ZSWIM6: variants seen among roughly 807,000 people sequenced by gnomAD.
The protein encoded by ZSWIM6 is zinc finger SWIM-type containing 6, also known as zinc finger SWIM domain-containing protein 6.
A neutral mutation model predicts 113.2 loss-of-function variants in ZSWIM6; 9 were observed. The ratio of observed to expected loss-of-function variants is 0.08; its 90% CI spans 0.05 to 0.14. The LOEUF (loss-of-function observed/expected upper bound fraction) is 0.14, where lower values mean the gene tolerates loss of function less well. Ranked by LOEUF, ZSWIM6 falls within the 10% of genes least tolerant of loss-of-function variation. ZSWIM6 has a pLI of 1.00. For missense variants in ZSWIM6, 1,162 were observed against 1,552.2 expected, an observed-to-expected ratio of 0.75 and a Z score of 4.22; for synonymous variants, 611 against 606.5, an observed-to-expected ratio of 1.01 and a Z score of -0.11.
At chr5:61,351,584 A>G (rs999890777) in intron 1 of ZSWIM6, among the ~76,000 whole-genome samples, 2 of 152,222 alleles carry the variant, frequency 1.3e-5, no homozygotes, top group Non-Finnish European at 2.9e-5. Context: ...TTAAGGGCTT[A>G]TTATGAACTC....
In ZSWIM6 at chr5:61,494,245, G is replaced by GT; in HGVS notation, c.1183-10dup. On this transcript the variant is annotated splice_polypyrimidine_tract_variant and intron_variant, in intron 3 of 13. Coordinates refer to ENST00000252744, the MANE Select transcript of ZSWIM6 (RefSeq NM_020928.2). ...GTTTTGAACAATTTTCTAAAGGTCT[G>GT]TTTTTCCCCATTAGGTGCGGGAGAT... 6.5e-7 allele frequency: 1 copy of GT among 1,548,808 alleles called. No homozygotes were observed. The highest frequency in any genetic ancestry group is 1.2e-5 in the South Asian group (1 of 83,936).
At chr5:61,366,914 C>T (rs377664533) in intron 1 of ZSWIM6, among the ~76,000 whole-genome samples, 50 of 139,162 alleles carry the variant, frequency 3.6e-4, no homozygotes, top group Admixed American at 5.5e-4. Flanking sequence ...GGTGACAGAG[C>T]GATCTGCTGT....
At chr5:61,412,382 T>C (rs1746165157) in intron 1 of ZSWIM6, among the ~76,000 whole-genome samples, 1 of 152,156 alleles carries the variant, frequency 6.6e-6, no homozygotes, top group South Asian at 2.1e-4. Context: ...TCAGGTGTAG[T>C]GTGATTTTAG....
chr5:61,497,106 G>GAAAAAAAAAAA (rs34912981), intron 4 of ZSWIM6, among the ~76,000 whole-genome samples: 1 of 119,802 alleles, frequency 8.3e-6, no homozygotes, highest in Non-Finnish European at 1.8e-5. Context: ...AGTACACCAG[G>GAAAAAAAAAAA]AAAAAAAAAA....
At chr5:61,542,621 A>T (rs1188409254) in intron 13 of ZSWIM6, among the ~76,000 whole-genome samples, 2 of 152,220 alleles carry the variant, frequency 1.3e-5, no homozygotes, top group African/African-American at 4.8e-5. Flanking sequence ...TTTAGATATG[A>T]CACAGCATAT....
chr5:61,502,964 T>C lies in ZSWIM6; in HGVS notation c.1333+8554T>C, dbSNP rs146042804. 5.3e-5 allele frequency among the ~76,000 whole-genome samples: 8 copies of C among 152,154 alleles called. No homozygotes were observed. The East Asian group carries it at 1.4e-3, about 26-fold the overall frequency. ...TTTCTTCCACAAAGCCAGTCCCTGG[T>C]GCCAAAAAGGTTGGGGACTGCTGTA... On this transcript the variant is annotated intron_variant, in intron 4 of 13. Coordinates refer to ENST00000252744, the MANE Select transcript of ZSWIM6 (RefSeq NM_020928.2).
chr5:61,456,257 ATTTGT>A (rs1420158580), intron 1 of ZSWIM6, among the ~76,000 whole-genome samples: 1 of 152,144 alleles, frequency 6.6e-6, no homozygotes. Context: ...CTGAAACCAA[ATTTGT>A]TTTAGGAGAA....
intron 1 of ZSWIM6, among the ~76,000 whole-genome samples, chr5:61,338,981 A>T (rs1333131552): frequency 6.6e-6 from 1 of 152,100 alleles, no homozygotes; most frequent in East Asian, 1.9e-4. Flanking sequence ...TAAGATTTTT[A>T]TCCTGGGCCT....
At chr5:61,391,382 C>T in intron 1 of ZSWIM6, 1 of 847,804 alleles carries the variant, frequency 1.2e-6, no homozygotes, top group Non-Finnish European at 2.1e-6. Flanking sequence ...TGGGTGTAGG[C>T]AATGATGCAG....
chr5:61,404,924 T>C (rs1165344961), intron 1 of ZSWIM6, among the ~76,000 whole-genome samples: 2 of 152,162 alleles, frequency 1.3e-5, no homozygotes, highest in Non-Finnish European at 2.9e-5. Flanking sequence ...CCCAGTTAGA[T>C]TTGAGAACTG....
intron 1 of ZSWIM6, among the ~76,000 whole-genome samples, chr5:61,364,905 A>G (rs930101579): frequency 6.6e-6 from 1 of 152,204 alleles, no homozygotes; most frequent in Admixed American, 6.5e-5. Context: ...CATTTAATGT[A>G]TTGTCAATGA....
At chr5:61,475,301 G>C (rs1187768735) in intron 2 of ZSWIM6, among the ~76,000 whole-genome samples, 4 of 152,112 alleles carry the variant, frequency 2.6e-5, no homozygotes. Context: ...TCAGTTGCTT[G>C]TTCTGCATTT....
intron 1 of ZSWIM6, among the ~76,000 whole-genome samples, chr5:61,367,514 C>T (rs1745184341): frequency 6.6e-6 from 1 of 152,172 alleles, no homozygotes; most frequent in Non-Finnish European, 1.5e-5. Flanking sequence ...CTTCCAGAGT[C>T]CTGATTTACA....
intron 1 of ZSWIM6, among the ~76,000 whole-genome samples, chr5:61,470,759 G>T: frequency 6.6e-6 from 1 of 152,110 alleles, no homozygotes; most frequent in East Asian, 1.9e-4. Context: ...CAGTAATAGT[G>T]ACTTGTTTTT....
intron 4 of ZSWIM6, among the ~76,000 whole-genome samples, chr5:61,500,651 G>T (rs891848089): frequency 6.6e-6 from 1 of 152,086 alleles, no homozygotes; most frequent in Non-Finnish European, 1.5e-5. Context: ...TCTAACTTCA[G>T]GTTCTTTGAG....
chr5:61,459,045 T>C (rs540636557), intron 1 of ZSWIM6, among the ~76,000 whole-genome samples: 1 of 152,304 alleles, frequency 6.6e-6, no homozygotes, highest in African/African-American at 2.4e-5. Flanking sequence ...AGCCACTATG[T>C]ACATAATTGC....
At chr5:61,447,580 A>G (rs1222173596) in intron 1 of ZSWIM6, among the ~76,000 whole-genome samples, 1 of 152,176 alleles carries the variant, frequency 6.6e-6, no homozygotes, top group Non-Finnish European at 1.5e-5. Context: ...CAGCGTGGCC[A>G]AAGAGAGAGA....
chr5:61,535,534 A>G lies in ZSWIM6; in HGVS notation c.2296A>G (p.Met766Val), dbSNP rs1230764894. Residue 766 changes from methionine (M) to valine (V), a missense_variant, in exon 10 of 14, where the codon ATG (methionine) becomes GTG (valine). By Grantham distance (21) the Met-to-Val change is conservative. Coordinates refer to ENST00000252744, the MANE Select transcript of ZSWIM6 (RefSeq NM_020928.2). ...AATAATCCATCGGGAGAGCGTTCCA[A>G]TGCACACATTTGCCAAGTATCTCTT... ...GEIIHRESVPMHTFAKYLFTS... is the reference protein window; with the variant it reads ...GEIIHRESVPVHTFAKYLFTS... 5 of 1,551,262 alleles carry G rather than the reference A, an allele frequency of 3.2e-6. No individual in the cohort carries two copies. Among genetic ancestry groups the G allele is most frequent in the Middle Eastern group, 1.7e-4 (1 of 6,012 alleles).
In ZSWIM6 at chr5:61,445,658, T is replaced by C. The variant is rs879093101; in HGVS notation, c.677-27023T>C. 9.9e-5 allele frequency among the ~76,000 whole-genome samples: 15 copies of C among 152,236 alleles called. 1 individual carries two copies. Among genetic ancestry groups the C allele is most frequent in the Admixed American group, 8.5e-4 (13 of 15,280 alleles). Reference sequence around the variant, plus strand: ...GCAGAGGAAACAAAATGACTATTTATAGAACCAAATACAATCCTTCCATTA... The same window carrying C: ...GCAGAGGAAACAAAATGACTATTTACAGAACCAAATACAATCCTTCCATTA... On this transcript the variant is annotated intron_variant, in intron 1 of 13. Coordinates refer to ENST00000252744, the MANE Select transcript of ZSWIM6 (RefSeq NM_020928.2).
Sources: gnomAD v4.1 joint callset for allele counts (sites outside exome capture counted in the v4.1 genomes callset) on GRCh38, gnomAD v4.1.1 for gene constraint, MANE v1.5 for transcripts, NCBI Gene and HGNC (gene_info 2026-07-23, HGNC 2026-07-21) for gene names.